The following HABP2 variants were observed in gnomAD, a reference collection of about 807,000 sequenced individuals.
The protein encoded by HABP2 is factor VII-activating protease.
Under a neutral mutation model 66.5 loss-of-function variants are expected in HABP2, and 65 were observed. That is an observed-to-expected ratio of 0.98 (90% CI 0.80 to 1.20). The LOEUF (loss-of-function observed/expected upper bound fraction) is 1.20, where lower values mean the gene tolerates loss of function less well. Ranked by LOEUF, HABP2 falls within the 50% of genes most tolerant of loss-of-function variation. HABP2 has a pLI of 0.00. For missense variants in HABP2, 786 were observed against 691.0 expected (o/e 1.14, Z -1.54); for synonymous variants, 263 against 253.9 (o/e 1.04, Z -0.34).
At chr10:113,586,479 G>T (rs4918856) in intron 12 of HABP2, among the ~76,000 whole-genome samples, 34,037 of 103,416 alleles carry the variant, frequency 0.33, 5,286 homozygotes, top group Admixed American at 0.44. Context: ...TGTGTGTGGG[G>T]GGGGGGGGGG....
At chr10:113,574,553 T>TC in intron 3 of HABP2, 148 bp downstream of exon 3, 1 of 565,102 alleles carries the variant, frequency 1.8e-6, no homozygotes, top group Non-Finnish European at 3.2e-6. Flanking sequence ...GGCTTTTTTT[T>TC]CTGTTAGATT....
chr10:113,584,368 T>A, intron 11 of HABP2, 86 bp downstream of exon 11: 1 of 1,087,094 alleles, frequency 9.2e-7, no homozygotes, highest in Non-Finnish European at 1.4e-6. Context: ...CTTTTGAAGT[T>A]GAAATGAGTG....
rs11575787 is a variant in HABP2 at position 113,588,989 on chromosome 10, CCTT to C, written c.*627_*629del. 2,767 of 1,613,520 alleles carry C rather than the reference CCTT, an allele frequency of 1.7e-3. 37 individuals carry two copies. The African/African-American group carries it at 0.03, about 17-fold the overall frequency. On this transcript the variant is annotated 3_prime_UTR_variant, in exon 13 of 13. Coordinates refer to ENST00000351270, the MANE Select transcript of HABP2 (RefSeq NM_004132.5). The stretch of plus-strand genomic sequence containing the variant: ...GTGGACATGGCTCACAACAGCAGGG[CCTT>C]CTTCTTTTTGACGTGCAGAATCTCA...
intron 7 of HABP2, among the ~76,000 whole-genome samples, chr10:113,579,962 T>C (rs1247262740): frequency 5.9e-5 from 9 of 152,106 alleles, no homozygotes; most frequent in East Asian, 1.9e-4. Flanking sequence ...TTTGTATTTT[T>C]AGTAGAGATG....
chr10:113,570,037 C>T (rs942359388), intron 2 of HABP2: 2 of 152,184 alleles, frequency 1.3e-5, no homozygotes, highest in Admixed American at 1.3e-4. Flanking sequence ...GGAGCATGTG[C>T]TTAAGAAGGT....
At chr10:113,583,850 C>A (rs1249357312) in intron 10 of HABP2, among the ~76,000 whole-genome samples, 1 of 152,206 alleles carries the variant, frequency 6.6e-6, no homozygotes, top group Non-Finnish European at 1.5e-5. Flanking sequence ...ATGAGACACC[C>A]CCCCACCTCT....
chr10:113,564,702 C>T (rs1440129523), intron 1 of HABP2, among the ~76,000 whole-genome samples: 1 of 152,234 alleles, frequency 6.6e-6, no homozygotes, highest in African/African-American at 2.4e-5. Flanking sequence ...GAATATTCTT[C>T]ATCCAGATAG....
At position 113,588,332 on chromosome 10, in the gene HABP2, G is replaced by A. The variant is rs746994852; in HGVS notation, c.1646G>A (p.Trp549Ter). The change falls in exon 13 of 13, where the codon TGG (tryptophan) becomes TAG (stop). Residue 549 changes from tryptophan (W) to a stop codon, truncating the protein, a stop_gained. Transcript: ENST00000351270. LOFTEE classifies it high-confidence loss of function. ...VYTQVTKFLNWIKATIKSESG... is the reference protein window; with the variant it reads ...VYTQVTKFLN Reference sequence around the variant, plus strand: ...ACCCAAGTTACCAAATTCCTGAATTGGATCAAAGCCACCATCAAAAGTGAA... The same window carrying A: ...ACCCAAGTTACCAAATTCCTGAATTAGATCAAAGCCACCATCAAAAGTGAA... The A allele has an allele frequency of 7.4e-6, 12 of 1,613,558 alleles. No individual in the cohort carries two copies. In the African/African-American group the frequency reaches 1.3e-4, roughly 18 times the overall value.
intron 7 of HABP2, among the ~76,000 whole-genome samples, chr10:113,579,560 G>A (rs759876120): frequency 1.3e-5 from 2 of 152,206 alleles, no homozygotes; most frequent in African/African-American, 2.4e-5. Flanking sequence ...GGATGTTCAG[G>A]CTTTCCCATG....
intron 9 of HABP2, 117 bp downstream of exon 9, chr10:113,582,248 A>C (rs1237348001): frequency 6.0e-6 from 6 of 1,008,028 alleles, no homozygotes; most frequent in Non-Finnish European, 8.3e-6. Context: ...GATCTGTTCA[A>C]GGGCAAAAGA....
At chr10:113,559,906 G>A (rs1238923082) in intron 1 of HABP2, among the ~76,000 whole-genome samples, 1 of 152,192 alleles carries the variant, frequency 6.6e-6, no homozygotes. Context: ...GGTGATCGGC[G>A]TCAGAGCCAG....
chr10:113,569,376 A>T (rs1156729065), intron 2 of HABP2, among the ~76,000 whole-genome samples: 1 of 152,200 alleles, frequency 6.6e-6, no homozygotes, highest in Non-Finnish European at 1.5e-5. Flanking sequence ...ATTCAGTTTA[A>T]AAACATCCCT....
At chr10:113,586,478 G>GTT (rs200364449) in intron 12 of HABP2, among the ~76,000 whole-genome samples, 2 of 131,108 alleles carry the variant, frequency 1.5e-5, no homozygotes, top group Non-Finnish European at 3.3e-5. Context: ...GTGTGTGTGG[G>GTT]GGGGGGGGGG....
intron 1 of HABP2, among the ~76,000 whole-genome samples, chr10:113,556,309 C>G (rs772815403): frequency 6.6e-6 from 1 of 152,152 alleles, no homozygotes; most frequent in Admixed American, 6.5e-5. Context: ...AGAACATTTC[C>G]CATTAAAGAT....
intron 1 of HABP2, among the ~76,000 whole-genome samples, chr10:113,562,601 C>T (rs1184935123): frequency 2.0e-5 from 3 of 152,170 alleles, no homozygotes; most frequent in Non-Finnish European, 4.4e-5. Flanking sequence ...CCTGCCCTCA[C>T]GCCTGGCTAA....
At chr10:113,579,549 AG>A (rs1565105538) in intron 7 of HABP2, among the ~76,000 whole-genome samples, 2 of 152,220 alleles carry the variant, frequency 1.3e-5, no homozygotes. Flanking sequence ...CTCTGGCCCA[AG>A]GATGTTCAGG....
intron 11 of HABP2, 143 bp downstream of exon 11, chr10:113,584,425 C>G: frequency 1.4e-6 from 1 of 709,658 alleles, no homozygotes; most frequent in South Asian, 1.8e-5. Context: ...CCTCATTGAT[C>G]AAGCTCTGGT....
At chr10:113,558,522 G>A (rs1481944642) in intron 1 of HABP2, among the ~76,000 whole-genome samples, 1 of 152,218 alleles carries the variant, frequency 6.6e-6, no homozygotes, top group Admixed American at 6.5e-5. Context: ...CTTCCCCCTG[G>A]TGGGATTGGA....
chr10:113,588,306 C>T lies in HABP2; in HGVS notation c.1620C>T (p.Tyr540=), dbSNP rs1213844561. 3 of 1,613,470 alleles carry T rather than the reference C, an allele frequency of 1.9e-6. No homozygotes were observed. Among genetic ancestry groups the T allele is most frequent in the African/African-American group, 2.7e-5 (2 of 74,900 alleles). Residue 540 remains tyrosine (Y), a synonymous_variant, in exon 13 of 13, where the codon TAC becomes TAT. Coordinates refer to ENST00000351270, the MANE Select transcript of HABP2 (RefSeq NM_004132.5). ...GLECGKRPGV[Y]TQVTKFLNWI... is the part of the protein sequence containing the mutation. Reference sequence around the variant, plus strand: ...AGTGTGGGAAGAGGCCAGGGGTCTACACCCAAGTTACCAAATTCCTGAATT... The same window carrying T: ...AGTGTGGGAAGAGGCCAGGGGTCTATACCCAAGTTACCAAATTCCTGAATT...
Sources: allele counts gnomAD v4.1 joint callset (sites outside exome capture counted in the v4.1 genomes callset), GRCh38; gene constraint gnomAD v4.1.1; transcripts MANE v1.5; gene names NCBI Gene and HGNC (gene_info 2026-07-23, HGNC 2026-07-21).